The following SUFU variants were observed in gnomAD, a reference collection of about 807,000 sequenced individuals.
The protein encoded by SUFU is suppressor of fused homolog.
In SUFU, 7 loss-of-function variants were observed where a neutral mutation model predicts 58.9. That is an observed-to-expected ratio of 0.12 (90% CI 0.07 to 0.22). SUFU has a LOEUF of 0.22. SUFU is among the 10% of genes least tolerant of loss of function. The probability of loss-of-function intolerance (pLI) is 1.00; values close to 1 mark genes in which losing one functional copy is unlikely to be tolerated. For synonymous variants in SUFU, 232 were observed against 254.8 expected (o/e 0.91, Z 0.85); for missense variants, 451 against 641.3 (o/e 0.70, Z 3.20).
chr10:102,590,153 CTTTTTTCTTTTTTT>C (rs1282622000), intron 3 of SUFU, among the ~76,000 whole-genome samples: 1 of 73,840 alleles, frequency 1.4e-5, no homozygotes, highest in Non-Finnish European at 2.4e-5. Flanking sequence ...TTTTTTTTTT[CTTTTTTCTTTTTTT>C]TTTTTTTTTG....
chr10:102,509,425 C>A, intron 2 of SUFU, 122 bp downstream of exon 2: 1 of 1,393,918 alleles, frequency 7.2e-7, no homozygotes, highest in Non-Finnish European at 1.0e-6. Context: ...CATTTCTGCC[C>A]TCTGACTATA....
chr10:102,523,650 C>G (rs1311058415), intron 2 of SUFU, among the ~76,000 whole-genome samples: 2 of 152,200 alleles, frequency 1.3e-5, no homozygotes, highest in East Asian at 3.8e-4. Context: ...TGCTGAATTC[C>G]CACCCTCCTG....
intron 3 of SUFU, among the ~76,000 whole-genome samples, chr10:102,568,421 A>G (rs1322483272): frequency 6.6e-6 from 1 of 152,214 alleles, no homozygotes; most frequent in East Asian, 1.9e-4. Flanking sequence ...TATGTTGAAA[A>G]CAAAAATAAA....
At chr10:102,600,407 C>T (rs565405204) in intron 8 of SUFU, among the ~76,000 whole-genome samples, 23 of 152,144 alleles carry the variant, frequency 1.5e-4, no homozygotes, top group Non-Finnish European at 3.2e-4. Flanking sequence ...CAAGCTCGGA[C>T]CTAGGGGGCC....
chr10:102,537,190 T>G (rs973689553), intron 2 of SUFU, among the ~76,000 whole-genome samples: 4 of 146,144 alleles, frequency 2.7e-5, no homozygotes, highest in African/African-American at 5.1e-5. Context: ...TGCAGTGCAG[T>G]GGTGCAGCCA....
chr10:102,593,563 G>T, intron 4 of SUFU, 73 bp from the exon 5 acceptor site: 7 of 1,487,062 alleles, frequency 4.7e-6, no homozygotes, highest in South Asian at 4.5e-5. Flanking sequence ...GACTCAGAGA[G>T]CCTGGGTAGC....
chr10:102,549,495 A>G (rs2062889158), intron 2 of SUFU, among the ~76,000 whole-genome samples: 1 of 152,224 alleles, frequency 6.6e-6, no homozygotes, highest in Admixed American at 6.5e-5. Flanking sequence ...TGGGGATTAC[A>G]ATTCAAGATG....
rs879781771 is a variant in SUFU, at chr10:102,569,262, C to T, written c.454+19156C>T. 1.8e-4 allele frequency among the ~76,000 whole-genome samples: 28 copies of T among 152,154 alleles called. No individual in the cohort carries two copies. The East Asian group carries it at 2.3e-3, about 13-fold the overall frequency. On this transcript the variant is annotated intron_variant, in intron 3 of 11. Coordinates refer to ENST00000369902, the MANE Select transcript of SUFU (RefSeq NM_016169.4). ...CCACTAGGCAGGGTGGCCCCTGCCG[C>T]GGCTGCCACTGTGTTCTCACCTGTA...
chr10:102,557,089 A>AT (rs2062989271), intron 3 of SUFU, among the ~76,000 whole-genome samples: 1 of 152,046 alleles, frequency 6.6e-6, no homozygotes, highest in Admixed American at 6.6e-5. Context: ...TCAAAAAAAA[A>AT]GAAATTAGCT....
chr10:102,620,002 A>G (rs1417645980), intron 10 of SUFU, among the ~76,000 whole-genome samples: 2 of 152,170 alleles, frequency 1.3e-5, no homozygotes, highest in Non-Finnish European at 2.9e-5. Flanking sequence ...TCGCACCCCC[A>G]GGGTTCCGAG....
rs950303561 is a variant in SUFU at position 102,518,545 on chromosome 10, CTATT to C, written c.317+9256_317+9259del. Among the ~76,000 whole-genome samples the C allele has an allele frequency of 1.7e-4, 26 of 151,764 alleles. No individual in the cohort carries two copies. In the South Asian group the frequency reaches 1.9e-3, roughly 11 times the overall value. On this transcript the variant is annotated intron_variant, in intron 2 of 11. Transcript: ENST00000369902. ...TCTATCTATCTATCTATCTATCTAT[CTATT>C]TATTTATTTATTTTTGACACAGGGC...
At chr10:102,591,758 G>T (rs1017671756) in intron 3 of SUFU, 5 of 152,208 alleles carry the variant, frequency 3.3e-5, no homozygotes, top group African/African-American at 1.2e-4. Context: ...GAGCACCTTG[G>T]CACCCACGAT....
At chr10:102,566,170 T>C (rs1026274252) in intron 3 of SUFU, among the ~76,000 whole-genome samples, 5 of 152,214 alleles carry the variant, frequency 3.3e-5, no homozygotes, top group Non-Finnish European at 7.3e-5. Context: ...GGAATCCAAA[T>C]GGCAGGTTGC....
At chr10:102,533,188 T>C (rs2062695723) in intron 2 of SUFU, among the ~76,000 whole-genome samples, 1 of 152,136 alleles carries the variant, frequency 6.6e-6, no homozygotes, top group South Asian at 2.1e-4. Flanking sequence ...CATAAAAAAT[T>C]ACCACAAAAT....
At position 102,630,764 on chromosome 10, in the gene SUFU, A is replaced by T. The variant is rs1394068209; in HGVS notation, c.*609A>T. ...ACTTCATTCCCCGTTGAACTTTCGC[A>T]TTCTCTGACAGAGGCCTAGGGCTGT... On this transcript the variant is annotated 3_prime_UTR_variant, in exon 12 of 12. Transcript: ENST00000369902. 8.0e-6 allele frequency: 2 copies of T among 249,180 alleles called. No homozygotes were observed. Among genetic ancestry groups the T allele is most frequent in the Non-Finnish European group, 1.6e-5 (2 of 126,594 alleles). The allele number at this position is 249,180 out of a possible 1,614,324, so 15.4% of individuals were successfully genotyped here. A position where few individuals can be genotyped will look rare whatever the true frequency, so the allele number is the denominator to read the frequency against.
chr10:102,576,949 G>A (rs755806059), intron 3 of SUFU, among the ~76,000 whole-genome samples: 20 of 152,098 alleles, frequency 1.3e-4, no homozygotes, highest in Non-Finnish European at 2.8e-4. Context: ...GGTCTGAAGC[G>A]ACCTTCCTGC....
Position 102,592,715 on chromosome 10 carries a change from C to T in SUFU, c.588C>T (p.Thr196=), listed in dbSNP as rs779385406. The stretch of plus-strand genomic sequence containing the variant: ...TGCAGACACCCTTTGGGGTAGTTAC[C>T]TTCCTCCAGGTGAGGCACAGGTTGG... ...QPVQTPFGVV[T]FLQIVGVCTE... Residue 196 remains threonine (T), a synonymous_variant, in exon 4 of 12, where the codon ACC becomes ACT. Coordinates refer to ENST00000369902, the MANE Select transcript of SUFU (RefSeq NM_016169.4). 6.2e-7 allele frequency: 1 copy of T among 1,614,102 alleles called. No homozygotes were observed. The highest frequency in any genetic ancestry group is 2.2e-5 in the East Asian group (1 of 44,880).
chr10:102,506,039 G>GA (rs1170831161), intron 1 of SUFU, among the ~76,000 whole-genome samples: 2,024 of 84,134 alleles, frequency 0.024, 49 homozygotes, highest in East Asian at 0.031. Flanking sequence ...TCTGTTATTT[G>GA]AAAAAAAAAA....
chr10:102,521,962 A>C (rs2062557064), intron 2 of SUFU, among the ~76,000 whole-genome samples: 1 of 152,190 alleles, frequency 6.6e-6, no homozygotes, highest in South Asian at 2.1e-4. Flanking sequence ...TGTTCTTATG[A>C]TGATTTCTGT....
Sources: gnomAD v4.1 joint callset for allele counts (sites outside exome capture counted in the v4.1 genomes callset) on GRCh38, gnomAD v4.1.1 for gene constraint, MANE v1.5 for transcripts, NCBI Gene and HGNC (gene_info 2026-07-23, HGNC 2026-07-21) for gene names.